The following CPSF3 variants were observed in gnomAD, a reference collection of about 807,000 sequenced individuals.
The protein encoded by CPSF3 is cleavage and polyadenylation specific factor 3.
CPSF3 carries 57 observed loss-of-function variants against 84.1 expected under a neutral mutation model. The ratio of observed to expected loss-of-function variants is 0.68; its 90% CI spans 0.55 to 0.85. The LOEUF is 0.85. Among genes scored for constraint, CPSF3 ranks in the 40% least tolerant of loss-of-function variants. The probability of loss-of-function intolerance (pLI) is 0.00; values close to 1 mark genes in which losing one functional copy is unlikely to be tolerated. For synonymous variants in CPSF3, 275 were observed against 278.1 expected (o/e 0.99, Z 0.11); for missense variants, 522 against 838.8 (o/e 0.62, Z 4.66).
At chr2:9,437,372 C>G (rs1680820683) in intron 7 of CPSF3, among the ~76,000 whole-genome samples, 1 of 147,506 alleles carries the variant, frequency 6.8e-6, no homozygotes, top group South Asian at 2.2e-4. Flanking sequence ...CCACTGCACT[C>G]CAGCCTCGGT....
At chr2:9,437,758 T>C (rs1365310304) in intron 7 of CPSF3, among the ~76,000 whole-genome samples, 3 of 152,108 alleles carry the variant, frequency 2.0e-5, no homozygotes, top group Non-Finnish European at 4.4e-5. Context: ...TCCAGCACCT[T>C]GAGAGGCTAA....
At chr2:9,460,663 T>C (rs1040598467) in intron 15 of CPSF3, among the ~76,000 whole-genome samples, 31 of 151,808 alleles carry the variant, frequency 2.0e-4, no homozygotes, top group Non-Finnish European at 2.9e-4. Flanking sequence ...TATGTCTTTT[T>C]TTTCTTTCTT....
At chr2:9,428,050 G>A (rs1329720891) in intron 1 of CPSF3, among the ~76,000 whole-genome samples, 11 of 150,290 alleles carry the variant, frequency 7.3e-5, no homozygotes, top group Non-Finnish European at 1.3e-4. Flanking sequence ...AGGCTGGAGC[G>A]CAGTGGCGCG....
chr2:9,433,058 T>C (rs1191544763), intron 5 of CPSF3, among the ~76,000 whole-genome samples: 2 of 152,208 alleles, frequency 1.3e-5, no homozygotes, highest in East Asian at 3.8e-4. Flanking sequence ...CATGTCCCCC[T>C]GATGTCTTAG....
intron 7 of CPSF3, among the ~76,000 whole-genome samples, 172 bp downstream of exon 7, chr2:9,436,533 G>A (rs1245773659): frequency 6.6e-6 from 1 of 152,042 alleles, no homozygotes; most frequent in African/African-American, 2.4e-5. Context: ...CAGCACTTTG[G>A]GAGGCTGAGG....
Position 9,423,745 on chromosome 2 carries a change from C to A in CPSF3, c.-29C>A. ...AGGAAGACCCCGGCGACCTGTTCCTCACCCCCGCTTCGCCCTCACACTTTC... is the reference window on the plus strand; with the variant it reads ...AGGAAGACCCCGGCGACCTGTTCCTAACCCCCGCTTCGCCCTCACACTTTC... On this transcript the variant is annotated 5_prime_UTR_variant, in exon 1 of 18. Coordinates refer to ENST00000238112, the MANE Select transcript of CPSF3 (RefSeq NM_016207.4). 6.2e-7 allele frequency: 1 copy of A among 1,611,862 alleles called. No homozygotes were observed. Among genetic ancestry groups the A allele is most frequent in the African/African-American group, 1.3e-5 (1 of 74,906 alleles).
chr2:9,430,969 G>A, intron 4 of CPSF3, 89 bp downstream of exon 4: 1 of 960,950 alleles, frequency 1.0e-6, no homozygotes, highest in South Asian at 1.6e-5. Context: ...TTAAAATGAG[G>A]TGCTCCCTTT....
rs750379303 is a variant in CPSF3, at chr2:9,452,908, T to TA, written c.1396-4dup. ...CTATTTTCTTCAAGTATTTTTTTTTTACAGGTTATGGGATTTTTAGCAGAC... is the reference window on the plus strand; with the variant it reads ...CTATTTTCTTCAAGTATTTTTTTTTTAACAGGTTATGGGATTTTTAGCAGAC... On this transcript the variant is annotated splice_polypyrimidine_tract_variant and splice_region_variant and intron_variant, in intron 11 of 17. Transcript: ENST00000238112. 4 of 1,572,334 alleles carry TA rather than the reference T, an allele frequency of 2.5e-6. No individual in the cohort carries two copies. The highest frequency in any genetic ancestry group is 3.4e-6 in the Non-Finnish European group (4 of 1,162,898).
chr2:9,431,246 A>G (rs1387086321), intron 4 of CPSF3, among the ~76,000 whole-genome samples: 1 of 152,122 alleles, frequency 6.6e-6, no homozygotes, highest in Non-Finnish European at 1.5e-5. Flanking sequence ...TTGAAGAGAT[A>G]GGGTCTTATG....
intron 1 of CPSF3, 27 bp from the exon 2 acceptor site, chr2:9,428,738 T>C: frequency 6.5e-7 from 1 of 1,543,958 alleles, no homozygotes; most frequent in Non-Finnish European, 8.9e-7. Context: ...TTTTAATCCT[T>C]CTTTTTCTCC....
chr2:9,463,707 C>A (rs946901420), intron 15 of CPSF3, among the ~76,000 whole-genome samples: 2 of 152,218 alleles, frequency 1.3e-5, no homozygotes, highest in Admixed American at 6.5e-5. Flanking sequence ...TTCTTCCTAT[C>A]CAAACTTGGG....
chr2:9,432,548 G>A lies in CPSF3; in HGVS notation c.379G>A (p.Asp127Asn). ...AGACGACATGCTGTATACCGAGACA[G>A]ATTTGGAAGAAAGCATGGACAAAAT... ...SADDMLYTET[D>N]LEESMDKIET... Residue 127 changes from aspartate (D) to asparagine (N), a missense_variant, in exon 5 of 18, where the codon GAT (aspartate) becomes AAT (asparagine). Asp to Asn is a conservative substitution (Grantham distance 23, BLOSUM62 1). Coordinates refer to ENST00000238112, the MANE Select transcript of CPSF3 (RefSeq NM_016207.4). The A allele has an allele frequency of 6.4e-7, 1 of 1,557,610 alleles. No homozygotes were observed.
At chr2:9,464,525 A>G (rs1681837021) in intron 15 of CPSF3, among the ~76,000 whole-genome samples, 2 of 151,914 alleles carry the variant, frequency 1.3e-5, no homozygotes, top group Non-Finnish European at 2.9e-5. Flanking sequence ...ATTCTGTTAT[A>G]TAGTTTTCTT....
chr2:9,451,741 A>C (rs1476055657), intron 11 of CPSF3, among the ~76,000 whole-genome samples: 1 of 150,484 alleles, frequency 6.6e-6, no homozygotes, highest in Non-Finnish European at 1.5e-5. Context: ...TTTTTGAGAA[A>C]AAGTCTCGCT....
At position 9,450,730 on chromosome 2, in the gene CPSF3, G is replaced by T. The variant is rs1451796799; in HGVS notation, c.1396-2183G>T. Among the ~76,000 whole-genome samples the T allele has an allele frequency of 3.9e-5, 6 of 152,304 alleles. No homozygotes were observed. The East Asian group carries it at 1.2e-3, about 30-fold the overall frequency. On this transcript the variant is annotated intron_variant, in intron 11 of 17. Transcript: ENST00000238112. ...TTGAACCTGGGAGGCGGAGGTTGCAGTGAGCCGAGATCATGCCACTGCACT... is the reference window on the plus strand; with the variant it reads ...TTGAACCTGGGAGGCGGAGGTTGCATTGAGCCGAGATCATGCCACTGCACT...
At chr2:9,432,420 A>G in intron 4 of CPSF3, 91 bp from the exon 5 acceptor site, 2 of 804,214 alleles carry the variant, frequency 2.5e-6, no homozygotes, top group Non-Finnish European at 3.6e-6. Context: ...AAATATCTTC[A>G]TGGAGATGTT....
At chr2:9,464,617 A>G (rs1681839666) in intron 15 of CPSF3, among the ~76,000 whole-genome samples, 2 of 151,962 alleles carry the variant, frequency 1.3e-5, no homozygotes, top group Non-Finnish European at 2.9e-5. Flanking sequence ...TTTTTGAGAC[A>G]GGGTCTCACT....
chr2:9,466,266 A>C (rs1158096215), intron 15 of CPSF3, among the ~76,000 whole-genome samples: 8 of 43,864 alleles, frequency 1.8e-4, no homozygotes, highest in South Asian at 6.4e-4. Context: ...ACGCACACAA[A>C]GACGCACGCA....
chr2:9,432,409 G>A (rs982045810), intron 4 of CPSF3, 102 bp from the exon 5 acceptor site: 25 of 762,014 alleles, frequency 3.3e-5, no homozygotes, highest in Non-Finnish European at 4.7e-5. Context: ...ATATTTTAAA[G>A]AAATATCTTC....
Sources: allele counts gnomAD v4.1 joint callset (sites outside exome capture counted in the v4.1 genomes callset), GRCh38; gene constraint gnomAD v4.1.1; transcripts MANE v1.5; gene names NCBI Gene and HGNC (gene_info 2026-07-23, HGNC 2026-07-21).